CTNNA2: variants seen among roughly 807,000 people sequenced by gnomAD.
The protein encoded by CTNNA2 is catenin alpha 2, also known as catenin alpha-2.
Under a neutral mutation model 101.0 loss-of-function variants are expected in CTNNA2, and 42 were observed. The ratio of observed to expected loss-of-function variants is 0.42; its 90% CI spans 0.32 to 0.54. The LOEUF (loss-of-function observed/expected upper bound fraction) is 0.54, where lower values mean the gene tolerates loss of function less well. Among genes scored for constraint, CTNNA2 ranks in the 20% least tolerant of loss-of-function variants. The pLI is 0.14. For missense variants in CTNNA2, 871 were observed against 1,223.1 expected, an observed-to-expected ratio of 0.71 and a Z score of 4.29; for synonymous variants, 450 against 456.4, an observed-to-expected ratio of 0.99 and a Z score of 0.18.
chr2:79,515,389 T>G (rs763589129), intron 1 of CTNNA2, among the ~76,000 whole-genome samples: 1 of 152,226 alleles, frequency 6.6e-6, no homozygotes, highest in Non-Finnish European at 1.5e-5. Flanking sequence ...CCCCTGCCAG[T>G]ATGTCTGCTG....
intron 4 of CTNNA2, among the ~76,000 whole-genome samples, chr2:79,391,719 G>C (rs1280477584): frequency 1.3e-5 from 2 of 152,152 alleles, no homozygotes; most frequent in Non-Finnish European, 2.9e-5. Flanking sequence ...CAGTGATGGA[G>C]TTCAACAGGT....
intron 7 of CTNNA2, among the ~76,000 whole-genome samples, chr2:80,098,597 C>G (rs1246655821): frequency 6.6e-6 from 1 of 152,234 alleles, no homozygotes; most frequent in Non-Finnish European, 1.5e-5. Context: ...GTGCCCTGCC[C>G]TCAGAGGTGG....
chr2:79,509,627 C>T (rs1671492333), upstream of CTNNA2, among the ~76,000 whole-genome samples: 1 of 152,168 alleles, frequency 6.6e-6, no homozygotes, highest in Non-Finnish European at 1.5e-5. Flanking sequence ...ATAGACAGAA[C>T]ACAGAGTATT....
intron 4 of CTNNA2, among the ~76,000 whole-genome samples, chr2:79,418,255 T>C (rs146862038): frequency 1.3e-5 from 2 of 152,216 alleles, no homozygotes; most frequent in South Asian, 2.1e-4. Flanking sequence ...TTGTGACCTA[T>C]GGAAAAATGT....
intron 3 of CTNNA2, among the ~76,000 whole-genome samples, chr2:79,815,595 C>G (rs1408374991): frequency 2.6e-5 from 4 of 152,128 alleles, no homozygotes; most frequent in Middle Eastern, 3.2e-3. Context: ...TTTCTGGGTT[C>G]TCTATTCTGT....
chr2:80,583,399 G>A (rs1695706453), intron 14 of CTNNA2, among the ~76,000 whole-genome samples: 1 of 152,100 alleles, frequency 6.6e-6, no homozygotes, highest in African/African-American at 2.4e-5. Flanking sequence ...GTTGAAAATT[G>A]GAAAGGTCAG....
chr2:79,778,435 T>G (rs1230436027), intron 3 of CTNNA2, among the ~76,000 whole-genome samples: 2 of 152,200 alleles, frequency 1.3e-5, no homozygotes, highest in Non-Finnish European at 2.9e-5. Flanking sequence ...TTTTCTCATT[T>G]AATGTGTTAG....
chr2:80,251,273 C>T (rs1671744770), intron 7 of CTNNA2, among the ~76,000 whole-genome samples: 2 of 152,152 alleles, frequency 1.3e-5, no homozygotes, highest in Non-Finnish European at 2.9e-5. Context: ...TTTTCTCCTT[C>T]TTTGAGATGC....
chr2:79,375,244 A>G (rs1441210857), intron 4 of CTNNA2, among the ~76,000 whole-genome samples: 1 of 152,184 alleles, frequency 6.6e-6, no homozygotes. Flanking sequence ...TCTGATTTTT[A>G]CTTGCATTGT....
At chr2:80,220,092 C>CT (rs536731311) in intron 7 of CTNNA2, among the ~76,000 whole-genome samples, 37 of 152,294 alleles carry the variant, frequency 2.4e-4, no homozygotes, top group Middle Eastern at 6.8e-3. Flanking sequence ...ACAAAGGATA[C>CT]TGAATGCAGT....
chr2:79,660,753 T>A (rs1573602036), intron 2 of CTNNA2, among the ~76,000 whole-genome samples: 1 of 152,100 alleles, frequency 6.6e-6, no homozygotes, highest in South Asian at 2.1e-4. Context: ...CAGATGGGAG[T>A]GATACTCTTT....
chr2:80,136,131 G>C (rs928364378), intron 7 of CTNNA2, among the ~76,000 whole-genome samples: 1 of 152,146 alleles, frequency 6.6e-6, no homozygotes, highest in African/African-American at 2.4e-5. Context: ...ATTTAGATGA[G>C]GTAATAGTTG....
rs540335846 is a variant in CTNNA2 at position 80,632,877 on chromosome 2, A to G, written c.2574+13649A>G. On this transcript the variant is annotated intron_variant, in intron 18 of 18. Coordinates refer to ENST00000402739, the MANE Select transcript of CTNNA2 (RefSeq NM_001282597.3). ...TCACTTGGACCTCAGAATAACTCACAAAAGTATATTGTTATTAACCCCCTT... is the reference window on the plus strand; with the variant it reads ...TCACTTGGACCTCAGAATAACTCACGAAAGTATATTGTTATTAACCCCCTT... Among the ~76,000 whole-genome samples the G allele has an allele frequency of 2.6e-5, 4 of 152,362 alleles. No individual in the cohort carries two copies. The South Asian group carries it at 8.3e-4, about 32-fold the overall frequency.
At chr2:79,566,241 A>G (rs1438729977) in intron 1 of CTNNA2, among the ~76,000 whole-genome samples, 1 of 152,160 alleles carries the variant, frequency 6.6e-6, no homozygotes, top group Admixed American at 6.6e-5. Flanking sequence ...AAAAGTTACC[A>G]CCATTAATTC....
intron 4 of CTNNA2, among the ~76,000 whole-genome samples, chr2:79,485,927 A>G (rs1161703459): frequency 6.6e-6 from 1 of 152,194 alleles, no homozygotes; most frequent in Non-Finnish European, 1.5e-5. Context: ...AAAATATTTA[A>G]CTCAGAGAAC....
intron 8 of CTNNA2, among the ~76,000 whole-genome samples, chr2:80,412,014 C>A (rs1679617295): frequency 6.6e-6 from 1 of 152,142 alleles, no homozygotes; most frequent in African/African-American, 2.4e-5. Context: ...CTCTCCTTTG[C>A]TTTCTTGTGC....
intron 7 of CTNNA2, among the ~76,000 whole-genome samples, chr2:79,957,862 T>C (rs895157470): frequency 2.6e-5 from 4 of 152,232 alleles, no homozygotes; most frequent in African/African-American, 7.2e-5. Flanking sequence ...TGAGCTCTCA[T>C]ACTTATTATC....
chr2:80,253,293 T>C (rs988476633), intron 7 of CTNNA2, among the ~76,000 whole-genome samples: 5 of 152,214 alleles, frequency 3.3e-5, no homozygotes, highest in African/African-American at 1.2e-4. Context: ...AAGTACATTT[T>C]ACTAAGACAT....
intron 3 of CTNNA2, among the ~76,000 whole-genome samples, chr2:79,850,335 C>G (rs1574127948): frequency 8.0e-6 from 1 of 125,774 alleles, no homozygotes; most frequent in African/African-American, 3.0e-5. Flanking sequence ...CCCTCCCTCC[C>G]TCCCTCTCTC....
Sources: allele counts gnomAD v4.1 joint callset (sites outside exome capture counted in the v4.1 genomes callset), GRCh38; gene constraint gnomAD v4.1.1; transcripts MANE v1.5; gene names NCBI Gene and HGNC (gene_info 2026-07-23, HGNC 2026-07-21).